Variants in RHPN2 observed in about 807,000 individuals in gnomAD.
RHPN2 encodes rhophilin-2.
In RHPN2, 40 loss-of-function variants were observed where a neutral mutation model predicts 79.0. That is an observed-to-expected ratio of 0.51 (90% confidence interval 0.39 to 0.66). The LOEUF (loss-of-function observed/expected upper bound fraction) is 0.66, where lower values mean the gene tolerates loss of function less well. Among genes scored for constraint, RHPN2 ranks in the 30% least tolerant of loss-of-function variants. The pLI, the probability that RHPN2 is intolerant of heterozygous loss-of-function variation, is 0.00. For synonymous variants in RHPN2, 285 were observed against 363.5 expected, an observed-to-expected ratio of 0.78 and a Z score of 2.46; for missense variants, 686 against 883.5, an observed-to-expected ratio of 0.78 and a Z score of 2.83.
intron 1 of RHPN2, among the ~76,000 whole-genome samples, chr19:33,057,775 C>T (rs376772818): frequency 2.6e-5 from 4 of 151,800 alleles, no homozygotes; most frequent in Non-Finnish European, 4.4e-5. Context: ...ATCTGTACTG[C>T]GGGTGTCCAT....
chr19:33,008,362 C>T (rs1971810614), intron 6 of RHPN2, among the ~76,000 whole-genome samples, 182 bp from the exon 7 acceptor site: 2 of 151,752 alleles, frequency 1.3e-5, no homozygotes, highest in African/African-American at 4.8e-5. Context: ...GTTGATCCTC[C>T]CACCTCAGCC....
intron 3 of RHPN2, among the ~76,000 whole-genome samples, chr19:33,025,344 T>C (rs1482844579): frequency 6.8e-6 from 1 of 147,190 alleles, no homozygotes; most frequent in African/African-American, 2.5e-5. Context: ...TAGCCAAGTG[T>C]GATGGTGCGT....
At chr19:32,985,887 C>T (rs1971609912) in intron 14 of RHPN2, among the ~76,000 whole-genome samples, 1 of 152,204 alleles carries the variant, frequency 6.6e-6, no homozygotes, top group African/African-American at 2.4e-5. Context: ...CGGCCTTGGC[C>T]TCCCAAAGTA....
intron 4 of RHPN2, among the ~76,000 whole-genome samples, chr19:33,014,013 C>T (rs1330237485): frequency 1.3e-5 from 2 of 151,742 alleles, no homozygotes; most frequent in Non-Finnish European, 2.9e-5. Flanking sequence ...GTAGCTGGGA[C>T]CACAGGCACG....
chr19:33,051,986 G>A (rs1408933879), intron 1 of RHPN2, among the ~76,000 whole-genome samples: 7 of 122,716 alleles, frequency 5.7e-5, no homozygotes, highest in African/African-American at 2.5e-4. Context: ...GTGAGACCCT[G>A]TCTCAAAAAA....
intron 1 of RHPN2, among the ~76,000 whole-genome samples, chr19:33,053,013 C>T (rs1174970381): frequency 1.3e-5 from 2 of 151,850 alleles, no homozygotes; most frequent in Non-Finnish European, 2.9e-5. Flanking sequence ...GCTCTGTTGC[C>T]CAGGCTGGAG....
intron 12 of RHPN2, among the ~76,000 whole-genome samples, chr19:32,992,509 ATC>A (rs758694810): frequency 3.4e-4 from 51 of 152,160 alleles, no homozygotes; most frequent in Non-Finnish European, 6.6e-4. Flanking sequence ...CATAAATAAA[ATC>A]TCTAATATAA....
At chr19:32,981,500 C>G (rs10422161) in intron 14 of RHPN2, among the ~76,000 whole-genome samples, 99,803 of 127,860 alleles carry the variant, frequency 0.78, 39,793 homozygotes, top group African/African-American at 0.95. Context: ...TGGAAGAGGG[C>G]AAGGGAAGGG....
rs151310046 is a variant in RHPN2 at position 33,025,838 on chromosome 19, A to G, written c.314+666T>C. ...TGTCTGTTCAGTTGAATTTAATAAC[A>G]TATCTTGCTAATGTTTGCGTGTCTA... On this transcript the variant is annotated intron_variant, in intron 3 of 14. Transcript: ENST00000254260. Among the ~76,000 whole-genome samples, 74 of 152,334 alleles carry G rather than the reference A, an allele frequency of 4.9e-4. No homozygotes were observed. In the East Asian group the frequency reaches 0.01, roughly 21 times the overall value.
intron 2 of RHPN2, among the ~76,000 whole-genome samples, chr19:33,039,201 C>A (rs539309262): frequency 6.6e-6 from 1 of 152,124 alleles, no homozygotes; most frequent in African/African-American, 2.4e-5. Context: ...TGTCCCATCC[C>A]CTGCTGAGGT....
intron 4 of RHPN2, among the ~76,000 whole-genome samples, chr19:33,016,640 C>T (rs1476546166): frequency 6.6e-6 from 1 of 152,156 alleles, no homozygotes; most frequent in East Asian, 1.9e-4. Context: ...AAGATTGCGC[C>T]ACTGCACTCC....
intron 14 of RHPN2, among the ~76,000 whole-genome samples, chr19:32,987,772 A>G (rs965817812): frequency 1.3e-5 from 2 of 152,168 alleles, no homozygotes; most frequent in Admixed American, 1.3e-4. Flanking sequence ...AAGACTTCAC[A>G]TTCGATCTCC....
intron 2 of RHPN2, among the ~76,000 whole-genome samples, chr19:33,032,607 A>G (rs1972022118): frequency 1.3e-5 from 2 of 152,206 alleles, no homozygotes; most frequent in African/African-American, 4.8e-5. Context: ...TTATTATGCC[A>G]CAGCAAAGCA....
chr19:33,021,435 C>T, intron 4 of RHPN2, 136 bp downstream of exon 4: 2 of 714,560 alleles, frequency 2.8e-6, no homozygotes. Context: ...CAACTCACTG[C>T]AGCCTCCAGT....
In RHPN2 at chr19:33,026,485, G is replaced by A; in HGVS notation, c.314+19C>T. On this transcript the variant is annotated intron_variant, in intron 3 of 14. Coordinates refer to ENST00000254260, the MANE Select transcript of RHPN2 (RefSeq NM_033103.5). ...TCTCTGGCTCAGAGGCTTTTGGAAGGTGTGCTGCTCCCACTTACTCTGTGT... is the reference window on the plus strand; with the variant it reads ...TCTCTGGCTCAGAGGCTTTTGGAAGATGTGCTGCTCCCACTTACTCTGTGT... 1 of 1,606,284 alleles carries A rather than the reference G, an allele frequency of 6.2e-7. No individual in the cohort carries two copies. The highest frequency in any genetic ancestry group is 1.3e-5 in the African/African-American group (1 of 74,894).
chr19:32,992,037 A>G (rs1054439589), intron 12 of RHPN2, 68 bp from the exon 13 acceptor site: 4 of 1,584,844 alleles, frequency 2.5e-6, no homozygotes, highest in Non-Finnish European at 3.5e-6. Flanking sequence ...GCTAAAGGGA[A>G]TTTTGCCTGC....
intron 11 of RHPN2, among the ~76,000 whole-genome samples, chr19:32,995,398 G>A (rs991280979): frequency 1.3e-5 from 2 of 151,800 alleles, no homozygotes; most frequent in Non-Finnish European, 2.9e-5. Context: ...AATGTGGTAT[G>A]AGGATTTCCC....
intron 3 of RHPN2, among the ~76,000 whole-genome samples, chr19:33,022,446 G>T (rs920152420): frequency 2.0e-5 from 3 of 152,010 alleles, no homozygotes; most frequent in Non-Finnish European, 4.4e-5. Flanking sequence ...TGCAACTCTG[G>T]GTTCATAGGG....
chr19:33,008,749 G>A (rs1971813690), intron 6 of RHPN2, among the ~76,000 whole-genome samples: 1 of 152,112 alleles, frequency 6.6e-6, no homozygotes, highest in Middle Eastern at 3.4e-3. Flanking sequence ...CAGCCTGGGC[G>A]ACAACAACAA....
Sources: gnomAD v4.1 joint callset for allele counts (sites outside exome capture counted in the v4.1 genomes callset) on GRCh38, gnomAD v4.1.1 for gene constraint, MANE v1.5 for transcripts, NCBI Gene and HGNC (gene_info 2026-07-23, HGNC 2026-07-21) for gene names.